Variants in SANBR observed in about 807,000 individuals in gnomAD.
The protein encoded by SANBR is SANT and BTB domain regulator of class switch recombination.
Under a neutral mutation model 101.8 loss-of-function variants are expected in SANBR, and 77 were observed. The ratio of observed to expected loss-of-function variants is 0.76; its 90% CI spans 0.63 to 0.91. SANBR has a LOEUF of 0.91. SANBR is among the 40% of genes least tolerant of loss of function. The pLI, the probability that SANBR is intolerant of heterozygous loss-of-function variation, is 0.00. For synonymous variants in SANBR, 279 were observed against 274.7 expected, an observed-to-expected ratio of 1.02 and a Z score of -0.15; for missense variants, 875 against 853.0, an observed-to-expected ratio of 1.03 and a Z score of -0.32.
rs774544889 is a variant in SANBR, at chr2:61,088,453, T to G, written c.1073T>G (p.Val358Gly). The G allele has an allele frequency of 1.2e-6, 2 of 1,603,012 alleles. No homozygotes were observed. Among genetic ancestry groups the G allele is most frequent in the Non-Finnish European group, 1.7e-6 (2 of 1,172,902 alleles). Reference sequence around the variant, plus strand: ...AATGTGGATCGACGTGGAAATATTGTCTATATTCACATAAGGTGTCGTGAA... The same window carrying G: ...AATGTGGATCGACGTGGAAATATTGGCTATATTCACATAAGGTGTCGTGAA... ...KINVDRRGNIVYIHIRDKTWD... is the reference protein window; with the variant it reads ...KINVDRRGNIGYIHIRDKTWD... Residue 358 changes from valine (V) to glycine (G), a missense_variant, in exon 10 of 22, where the codon GTC (valine) becomes GGC (glycine). By Grantham distance (109) the Val-to-Gly change is moderately radical. Coordinates refer to ENST00000402291, the MANE Select transcript of SANBR (RefSeq NM_001129993.3).
Position 61,123,734 on chromosome 2 carries a change from CT to C in SANBR, c.*1573del. On this transcript the variant is annotated 3_prime_UTR_variant, in exon 22 of 22. Coordinates refer to ENST00000402291, the MANE Select transcript of SANBR (RefSeq NM_001129993.3). Reference sequence around the variant, plus strand: ...GGTAAAAAGGCAAACTGCTTCTCCCCTGGGAGGCCTATACCACTGAATTAAT... The same window carrying C: ...GGTAAAAAGGCAAACTGCTTCTCCCCGGGAGGCCTATACCACTGAATTAAT... The C allele has an allele frequency of 1.0e-6, 1 of 985,342 alleles. No individual in the cohort carries two copies. The highest frequency in any genetic ancestry group is 1.2e-6 in the Non-Finnish European group (1 of 829,756). The allele number at this position is 985,342 out of a possible 1,614,324, so 61.0% of individuals were successfully genotyped here.
At chr2:61,082,490 G>T (rs1359647147) in intron 7 of SANBR, among the ~76,000 whole-genome samples, 1 of 152,144 alleles carries the variant, frequency 6.6e-6, no homozygotes, top group African/African-American at 2.4e-5. Flanking sequence ...CTGCCACCCA[G>T]GGAAAAGGAG....
chr2:61,106,371 A>G (rs1392120163), intron 13 of SANBR, among the ~76,000 whole-genome samples, 192 bp from the exon 14 acceptor site: 1 of 134,256 alleles, frequency 7.4e-6, no homozygotes, highest in African/African-American at 3.0e-5. Flanking sequence ...AGCCTGGGTG[A>G]CAGAGCGAGA....
chr2:61,071,584 C>A, intron 3 of SANBR, 22 bp from the exon 4 acceptor site: 3 of 1,418,390 alleles, frequency 2.1e-6, no homozygotes, highest in Non-Finnish European at 2.8e-6. Flanking sequence ...ACCTCTGTTT[C>A]TTTCATTTTA....
At chr2:61,093,979 C>A in intron 11 of SANBR, 1 of 364,128 alleles carries the variant, frequency 2.7e-6, no homozygotes, top group Non-Finnish European at 3.8e-6. Flanking sequence ...CTTTTGAATC[C>A]CTAAAGTTTT....
chr2:61,134,395 T>A (rs1322174954), intron 21 of SANBR: 2 of 989,234 alleles, frequency 2.0e-6, no homozygotes, highest in Non-Finnish European at 2.9e-6. Flanking sequence ...ACCTAGATGG[T>A]TGCCTTTTGT....
At chr2:61,081,822 T>A (rs1682148108) in intron 7 of SANBR, among the ~76,000 whole-genome samples, 1 of 152,030 alleles carries the variant, frequency 6.6e-6, no homozygotes, top group African/African-American at 2.4e-5. Flanking sequence ...CTAATTTTTC[T>A]ATTTTTTGTA....
chr2:61,122,391 A>G lies in SANBR; in HGVS notation c.*229A>G, dbSNP rs1341769686. 2.5e-6 allele frequency: 3 copies of G among 1,210,558 alleles called. No individual in the cohort carries two copies. The highest frequency in any genetic ancestry group is 3.9e-5 in the Admixed American group (1 of 25,440). The allele number at this position is 1,210,558 out of a possible 1,614,324, so 75.0% of individuals were successfully genotyped here. A position where few individuals can be genotyped will look rare whatever the true frequency, so the allele number is the denominator to read the frequency against. On this transcript the variant is annotated 3_prime_UTR_variant, in exon 22 of 22. Transcript: ENST00000402291. ...TTTTCTTCTAATATCATTCTAGGCTATGTAGAAAGCAATTATTTACAAATT... is the reference window on the plus strand; with the variant it reads ...TTTTCTTCTAATATCATTCTAGGCTGTGTAGAAAGCAATTATTTACAAATT...
intron 21 of SANBR, 159 bp downstream of exon 21, chr2:61,121,435 A>T: frequency 4.1e-6 from 2 of 485,802 alleles, no homozygotes; most frequent in South Asian, 2.7e-5. Context: ...ACAGATTTTA[A>T]CTTAAAAGAT....
intron 20 of SANBR, among the ~76,000 whole-genome samples, chr2:61,129,398 C>G (rs968331001): frequency 1.3e-5 from 2 of 150,604 alleles, no homozygotes; most frequent in African/African-American, 4.9e-5. Context: ...GAGCCGAGAT[C>G]ATGACACTGC....
intron 21 of SANBR, 58 bp downstream of exon 21, chr2:61,121,334 A>G: frequency 8.6e-7 from 1 of 1,160,876 alleles, no homozygotes; most frequent in Non-Finnish European, 1.3e-6. Flanking sequence ...TTTTTTTTTT[A>G]AGATAAATCA....
intron 20 of SANBR, among the ~76,000 whole-genome samples, chr2:61,119,372 T>C (rs1041877623): frequency 5.3e-5 from 8 of 152,122 alleles, no homozygotes; most frequent in Non-Finnish European, 1.2e-4. Context: ...AAATGAAAAA[T>C]TGGACTTCAT....
At chr2:61,110,004 A>G (rs1431953911) in intron 16 of SANBR, among the ~76,000 whole-genome samples, 1 of 152,082 alleles carries the variant, frequency 6.6e-6, no homozygotes, top group Non-Finnish European at 1.5e-5. Context: ...AAAATTTCTG[A>G]ACTCATTAGT....
chr2:61,075,879 C>G (rs1313502892), intron 5 of SANBR, among the ~76,000 whole-genome samples: 1 of 151,962 alleles, frequency 6.6e-6, no homozygotes, highest in East Asian at 1.9e-4. Context: ...ATGATAATCT[C>G]TCTCCCACAC....
At chr2:61,129,455 A>AC (rs1684618119) in intron 20 of SANBR, among the ~76,000 whole-genome samples, 1 of 151,844 alleles carries the variant, frequency 6.6e-6, no homozygotes, top group Non-Finnish European at 1.5e-5. Flanking sequence ...AAAAAAAAAA[A>AC]CAAGAAAAAA....
intron 12 of SANBR, among the ~76,000 whole-genome samples, chr2:61,101,551 C>G (rs569682194): frequency 6.6e-6 from 1 of 150,668 alleles, no homozygotes; most frequent in Admixed American, 6.6e-5. Context: ...GGCTAACACG[C>G]TGAAACGCCT....
intron 6 of SANBR, among the ~76,000 whole-genome samples, chr2:61,078,868 G>A (rs924831547): frequency 1.7e-4 from 26 of 151,652 alleles, no homozygotes; most frequent in South Asian, 6.3e-4. Flanking sequence ...GCAAAACCCC[G>A]TCTCTACTGA....
chr2:61,103,006 A>G (rs1683365473), intron 12 of SANBR, among the ~76,000 whole-genome samples: 1 of 152,202 alleles, frequency 6.6e-6, no homozygotes, highest in African/African-American at 2.4e-5. Context: ...GCCCCAAACT[A>G]GAAACAAGCC....
At position 61,132,185 on chromosome 2, in the gene SANBR, A is replaced by T. The variant is rs144454284; in HGVS notation, c.2029-1952A>T. Among the ~76,000 whole-genome samples, 856 of 152,368 alleles carry T rather than the reference A, an allele frequency of 5.6e-3. 2 individuals carry two copies. Among genetic ancestry groups the T allele is most frequent in the Non-Finnish European group, 8.1e-3 (550 of 68,032 alleles). On this transcript the variant is annotated intron_variant, in intron 20 of 21. Coordinates refer to the SANBR transcript ENST00000295031. ...AATAAATAAATTGGACACCAAAATT[A>T]AAAACTTTTATGCTTCAAAGAACAT... is the stretch of plus-strand genomic sequence containing the variant.
Sources: allele counts gnomAD v4.1 joint callset (sites outside exome capture counted in the v4.1 genomes callset), GRCh38; gene constraint gnomAD v4.1.1; transcripts MANE v1.5; gene names NCBI Gene and HGNC (gene_info 2026-07-23, HGNC 2026-07-21).